Variants in PPARGC1A observed in about 807,000 individuals in gnomAD.
PPARGC1A encodes the protein peroxisome proliferator-activated receptor gamma coactivator 1-alpha.
Under a neutral mutation model 88.7 loss-of-function variants are expected in PPARGC1A, and 25 were observed. The ratio of observed to expected loss-of-function variants is 0.28; its 90% CI spans 0.21 to 0.39. The LOEUF is 0.39. PPARGC1A is among the 10% of genes least tolerant of loss of function. The pLI, the probability that PPARGC1A is intolerant of heterozygous loss-of-function variation, is 1.00. For missense variants in PPARGC1A, 880 were observed against 968.7 expected, an observed-to-expected ratio of 0.91 and a Z score of 1.22; for synonymous variants, 363 against 355.6, an observed-to-expected ratio of 1.02 and a Z score of -0.24.
At chr4:23,910,371 T>TATATTATATTATATTATA in the PPARGC1A span, among the ~76,000 whole-genome samples, 360 of 97,490 alleles carry the variant, frequency 3.7e-3, 4 homozygotes, top group African/African-American at 0.016. Context: ...ATATATTATA[T>TATATTATATTATATTATA]TATATTATAT....
the PPARGC1A span, among the ~76,000 whole-genome samples, chr4:24,196,378 C>T: frequency 6.6e-6 from 1 of 152,214 alleles, no homozygotes; most frequent in African/African-American, 2.4e-5. Flanking sequence ...TATCCAAAGG[C>T]TTGGCAATTA....
At chr4:24,228,604 TC>T in the PPARGC1A span, among the ~76,000 whole-genome samples, 1 of 151,648 alleles carries the variant, frequency 6.6e-6, no homozygotes, top group Non-Finnish European at 1.5e-5. Flanking sequence ...CAAGCAATAT[TC>T]CCAGGGAACA....
At chr4:23,808,336 C>T (rs1720254777) in intron 10 of PPARGC1A, among the ~76,000 whole-genome samples, 1 of 151,838 alleles carries the variant, frequency 6.6e-6, no homozygotes, top group African/African-American at 2.4e-5. Context: ...CAGTACTACA[C>T]TGTCCCTGGC....
chr4:23,952,824 C>T, the PPARGC1A span, among the ~76,000 whole-genome samples: 14 of 152,072 alleles, frequency 9.2e-5, no homozygotes, highest in Non-Finnish European at 1.6e-4. Context: ...AGTGCCTCTA[C>T]GTGGCTATTT....
At chr4:24,190,938 C>T in the PPARGC1A span, among the ~76,000 whole-genome samples, 1 of 83,012 alleles carries the variant, frequency 1.2e-5, no homozygotes, top group Non-Finnish European at 2.9e-5. Flanking sequence ...AAAGAAGGCT[C>T]CTGCAGGGTG....
At chr4:23,888,637 A>G (rs1717304995) in intron 1 of PPARGC1A, among the ~76,000 whole-genome samples, 1 of 152,214 alleles carries the variant, frequency 6.6e-6, no homozygotes, top group Non-Finnish European at 1.5e-5. Context: ...AATACGATCT[A>G]CCAAGGCAAG....
At chr4:24,430,384 A>C in the PPARGC1A span, among the ~76,000 whole-genome samples, 2 of 149,410 alleles carry the variant, frequency 1.3e-5, no homozygotes, top group African/African-American at 2.5e-5. Context: ...CAGCCTCCCG[A>C]GTAGCTGGGA....
At chr4:24,160,770 A>G in the PPARGC1A span, among the ~76,000 whole-genome samples, 1 of 152,352 alleles carries the variant, frequency 6.6e-6, no homozygotes, top group South Asian at 2.1e-4. Context: ...TAATATTTGC[A>G]GAATAAGCAT....
At chr4:23,866,402 G>A (rs79649649) in intron 2 of PPARGC1A, among the ~76,000 whole-genome samples, 4,025 of 152,166 alleles carry the variant, frequency 0.026, 171 homozygotes, top group African/African-American at 0.089. Flanking sequence ...TTATAACCAT[G>A]AGCCTCCAAT....
chr4:23,998,844 G>A, the PPARGC1A span, among the ~76,000 whole-genome samples: 1 of 152,158 alleles, frequency 6.6e-6, no homozygotes, highest in Non-Finnish European at 1.5e-5. Context: ...TTGGTGAGTG[G>A]CCTATATTTG....
chr4:23,816,014 T>C (rs1313854974), intron 7 of PPARGC1A, among the ~76,000 whole-genome samples: 1 of 152,174 alleles, frequency 6.6e-6, no homozygotes, highest in East Asian at 1.9e-4. Flanking sequence ...TACTTTATAA[T>C]TAAGAAATGG....
At chr4:23,955,103 T>C in the PPARGC1A span, among the ~76,000 whole-genome samples, 1 of 152,094 alleles carries the variant, frequency 6.6e-6, no homozygotes, top group Non-Finnish European at 1.5e-5. Flanking sequence ...AATGTTTATC[T>C]ACATTCAATT....
chr4:24,197,567 T>C, the PPARGC1A span, among the ~76,000 whole-genome samples: 3 of 152,222 alleles, frequency 2.0e-5, no homozygotes, highest in Non-Finnish European at 4.4e-5. Context: ...TAGGCCCTGT[T>C]GCTCCTAAGA....
At chr4:24,287,665 C>CACACACACA in the PPARGC1A span, among the ~76,000 whole-genome samples, 745 of 151,320 alleles carry the variant, frequency 4.9e-3, 9 homozygotes, top group East Asian at 0.027. Flanking sequence ...CACACACACA[C>CACACACACA]AACTGCACTC....
chr4:24,300,969 G>A, the PPARGC1A span, among the ~76,000 whole-genome samples: 5 of 152,002 alleles, frequency 3.3e-5, no homozygotes, highest in Admixed American at 2.6e-4. Context: ...GAGAGCAGAA[G>A]GATGGAAAAG....
chr4:23,837,546 C>T (rs1726248249), intron 2 of PPARGC1A, among the ~76,000 whole-genome samples: 1 of 152,126 alleles, frequency 6.6e-6, no homozygotes. Flanking sequence ...GCCAACTCCC[C>T]CCAAATACCC....
chr4:24,229,140 G>A, the PPARGC1A span, among the ~76,000 whole-genome samples: 1 of 71,184 alleles, frequency 1.4e-5, no homozygotes, highest in African/African-American at 4.6e-5. Flanking sequence ...GATGAAGCTT[G>A]GGTATCTGGA....
At chr4:24,285,852 T>C in the PPARGC1A span, among the ~76,000 whole-genome samples, 6 of 152,196 alleles carry the variant, frequency 3.9e-5, no homozygotes, top group African/African-American at 1.2e-4. Flanking sequence ...GATAAAAATA[T>C]GTGATTTCGT....
chr4:24,098,578 T>C, the PPARGC1A span, among the ~76,000 whole-genome samples: 105 of 152,270 alleles, frequency 6.9e-4, no homozygotes, highest in East Asian at 0.019. Context: ...AGAAACAGAA[T>C]CCATTTCAAT....
Sources: allele counts gnomAD v4.1 joint callset (sites outside exome capture counted in the v4.1 genomes callset), GRCh38; gene constraint gnomAD v4.1.1; transcripts MANE v1.5; gene names NCBI Gene and HGNC (gene_info 2026-07-23, HGNC 2026-07-21).